PRDM16: variants seen among roughly 807,000 people sequenced by gnomAD.
The protein encoded by PRDM16 is PR/SET domain 16, also known as histone-lysine N-methyltransferase PRDM16.
A neutral mutation model predicts 110.6 loss-of-function variants in PRDM16; 23 were observed. The ratio of observed to expected loss-of-function variants is 0.21; its 90% CI spans 0.15 to 0.29. The LOEUF (loss-of-function observed/expected upper bound fraction) is 0.29, where lower values mean the gene tolerates loss of function less well. PRDM16 is among the 10% of genes least tolerant of loss of function. The probability of loss-of-function intolerance (pLI) is 1.00; values close to 1 mark genes in which losing one functional copy is unlikely to be tolerated. For synonymous variants in PRDM16, 799 were observed against 781.8 expected, an observed-to-expected ratio of 1.02 and a Z score of -0.37; for missense variants, 1,615 against 1,794.3, an observed-to-expected ratio of 0.90 and a Z score of 1.81.
intron 3 of PRDM16, among the ~76,000 whole-genome samples, chr1:3,257,610 T>G (rs953720232): frequency 2.0e-5 from 3 of 152,242 alleles, no homozygotes; most frequent in Non-Finnish European, 4.4e-5. Context: ...TTGCTCACCC[T>G]GACTGATCTG....
intron 3 of PRDM16, among the ~76,000 whole-genome samples, chr1:3,346,117 G>A (rs1369058798): frequency 6.6e-6 from 1 of 152,268 alleles, no homozygotes; most frequent in Non-Finnish European, 1.5e-5. Context: ...TGAGCTGAGC[G>A]AGAACTTTCC....
intron 3 of PRDM16, among the ~76,000 whole-genome samples, chr1:3,282,249 G>A (rs1291089089): frequency 1.3e-5 from 2 of 152,230 alleles, no homozygotes; most frequent in Non-Finnish European, 2.9e-5. Context: ...CCCCAGAGAG[G>A]TCAGCAGGTG....
chr1:3,328,060 C>T (rs1345644695), intron 3 of PRDM16, among the ~76,000 whole-genome samples: 2 of 152,196 alleles, frequency 1.3e-5, no homozygotes, highest in African/African-American at 2.4e-5. Flanking sequence ...CTGGGGGACT[C>T]GGGCTGGGGC....
At chr1:3,283,336 G>T (rs954822786) in intron 3 of PRDM16, among the ~76,000 whole-genome samples, 1 of 152,194 alleles carries the variant, frequency 6.6e-6, no homozygotes, top group Non-Finnish European at 1.5e-5. Flanking sequence ...GAAGGACACA[G>T]CTGCCCCCCA....
At chr1:3,330,411 G>T (rs745832111) in intron 3 of PRDM16, among the ~76,000 whole-genome samples, 2 of 152,362 alleles carry the variant, frequency 1.3e-5, no homozygotes, top group Admixed American at 6.5e-5. Context: ...TTGTAAGAAT[G>T]CAGGGACAAA....
At chr1:3,400,318 G>A (rs1322961611) in intron 5 of PRDM16, among the ~76,000 whole-genome samples, 1 of 152,244 alleles carries the variant, frequency 6.6e-6, no homozygotes, top group African/African-American at 2.4e-5. Flanking sequence ...TAAGCCCTGA[G>A]GACAGGACCT....
At chr1:3,200,360 T>C (rs1484011109) in intron 2 of PRDM16, among the ~76,000 whole-genome samples, 2 of 152,184 alleles carry the variant, frequency 1.3e-5, no homozygotes, top group African/African-American at 4.8e-5. Context: ...TTTTATTTTT[T>C]GAGATGGAGT....
chr1:3,134,854 A>G (rs769025200), intron 1 of PRDM16, among the ~76,000 whole-genome samples: 10 of 152,358 alleles, frequency 6.6e-5, no homozygotes, highest in Non-Finnish European at 1.3e-4. Context: ...TGACCACCCG[A>G]ACCCGCGTGG....
intron 1 of PRDM16, among the ~76,000 whole-genome samples, chr1:3,106,039 G>A (rs1410269800): frequency 6.6e-6 from 1 of 152,220 alleles, no homozygotes; most frequent in Non-Finnish European, 1.5e-5. Flanking sequence ...AGCTTCCTGG[G>A]TGCAGGGCTC....
At chr1:3,364,101 G>A (rs756995851) in intron 3 of PRDM16, among the ~76,000 whole-genome samples, 1 of 152,202 alleles carries the variant, frequency 6.6e-6, no homozygotes, top group Non-Finnish European at 1.5e-5. Flanking sequence ...TGCTGGATGA[G>A]ATGCAAAGTC....
intron 3 of PRDM16, among the ~76,000 whole-genome samples, chr1:3,249,143 G>A (rs936612291): frequency 2.6e-5 from 4 of 151,548 alleles, no homozygotes; most frequent in African/African-American, 9.7e-5. Context: ...GCTGTTCGGT[G>A]TCCAGTCCTG....
chr1:3,389,466 T>C (rs375322305), intron 4 of PRDM16, among the ~76,000 whole-genome samples: 103 of 152,276 alleles, frequency 6.8e-4, no homozygotes, highest in African/African-American at 2.2e-3. Flanking sequence ...ACCTCCACGT[T>C]CTCATCTGGC....
intron 2 of PRDM16, among the ~76,000 whole-genome samples, chr1:3,212,485 C>T (rs1366577807): frequency 6.6e-6 from 1 of 152,136 alleles, no homozygotes; most frequent in Non-Finnish European, 1.5e-5. Context: ...GCCAAGGCCC[C>T]TCTCTCCTCA....
intron 1 of PRDM16, among the ~76,000 whole-genome samples, chr1:3,118,179 T>G (rs1344610266): frequency 6.6e-6 from 1 of 151,664 alleles, no homozygotes; most frequent in Non-Finnish European, 1.5e-5. Flanking sequence ...TTTGGAAAGA[T>G]TGTGTGTGCA....
intron 3 of PRDM16, among the ~76,000 whole-genome samples, chr1:3,267,963 CA>C (rs1179459628): frequency 1.3e-5 from 2 of 152,230 alleles, no homozygotes; most frequent in East Asian, 1.9e-4. Flanking sequence ...TTTGTTGTGA[CA>C]GGGGGTGGAT....
At position 3,396,556 on chromosome 1, in the gene PRDM16, C is replaced by G; in HGVS notation, c.639C>G (p.Gly213=). Residue 213 remains glycine, a synonymous_variant, in exon 5 of 17, where the codon GGC becomes GGG. Coordinates refer to ENST00000270722, the MANE Select transcript of PRDM16 (RefSeq NM_022114.4). The stretch of plus-strand genomic sequence containing the variant: ...AGCTGCTGGTGCACGTGAAGGAAGG[C>G]GTCTACCCCCTGGGCACAGTGCCGC... ...GEELLVHVKE[G]VYPLGTVPPG... 6.2e-7 allele frequency: 1 copy of G among 1,604,768 alleles called. No homozygotes were observed.
chr1:3,366,976 A>G (rs558503690), intron 3 of PRDM16, among the ~76,000 whole-genome samples: 3 of 152,164 alleles, frequency 2.0e-5, no homozygotes, highest in Non-Finnish European at 4.4e-5. Flanking sequence ...CCGGTTAAAG[A>G]TGGAGCAAGG....
chr1:3,139,157 A>G (rs1643496015), intron 1 of PRDM16, among the ~76,000 whole-genome samples: 3 of 149,034 alleles, frequency 2.0e-5, no homozygotes, highest in African/African-American at 7.7e-5. Flanking sequence ...TTCTCGTTTC[A>G]GAGCGGACGG....
At chr1:3,377,637 C>G (rs1423878860) in intron 3 of PRDM16, among the ~76,000 whole-genome samples, 2 of 152,108 alleles carry the variant, frequency 1.3e-5, no homozygotes, top group East Asian at 1.9e-4. Flanking sequence ...AGGCTCACCC[C>G]CAAACAACTC....
Sources: allele counts gnomAD v4.1 joint callset (sites outside exome capture counted in the v4.1 genomes callset), GRCh38; gene constraint gnomAD v4.1.1; transcripts MANE v1.5; gene names NCBI Gene and HGNC (gene_info 2026-07-23, HGNC 2026-07-21).